FMN2: variants seen among roughly 807,000 people sequenced by gnomAD.
FMN2 encodes formin-2.
Under a neutral mutation model 142.3 loss-of-function variants are expected in FMN2, and 51 were observed. The ratio of observed to expected loss-of-function variants is 0.36; its 90% CI spans 0.29 to 0.45. The LOEUF is 0.45. Among genes scored for constraint, FMN2 ranks in the 20% least tolerant of loss-of-function variants. The pLI, the probability that FMN2 is intolerant of heterozygous loss-of-function variation, is 1.00. For missense variants in FMN2, 1,936 were observed against 2,122.8 expected (o/e 0.91, Z 1.73); for synonymous variants, 882 against 869.8 (o/e 1.01, Z -0.25).
intron 7 of FMN2, among the ~76,000 whole-genome samples, chr1:240,274,336 T>C (rs1669121017): frequency 6.6e-6 from 1 of 151,476 alleles, no homozygotes; most frequent in Non-Finnish European, 1.5e-5. Context: ...GAAGGAACCT[T>C]GTAAATATCT....
chr1:240,229,601 G>A lies in FMN2; in HGVS notation c.4065+18366G>A, dbSNP rs74149377. Among the ~76,000 whole-genome samples, 447 of 152,218 alleles carry A rather than the reference G, an allele frequency of 2.9e-3. 3 individuals carry two copies. Among genetic ancestry groups the A allele is most frequent in the African/African-American group, 0.01 (417 of 41,530 alleles). On this transcript the variant is annotated intron_variant, in intron 6 of 17. Transcript: ENST00000319653. Reference sequence around the variant, plus strand: ...GTGGAATTGTTTCATGTGATGATGCGCCAGGTTTAAAAGTGAATGAAATGT... The same window carrying A: ...GTGGAATTGTTTCATGTGATGATGCACCAGGTTTAAAAGTGAATGAAATGT...
At chr1:240,205,703 C>T (rs1302975975) in intron 4 of FMN2, among the ~76,000 whole-genome samples, 2 of 151,856 alleles carry the variant, frequency 1.3e-5, no homozygotes, top group Admixed American at 1.3e-4. Context: ...CCTCGTGATC[C>T]ACCCGCCTCG....
chr1:240,465,546 T>C (rs1177462765), intron 16 of FMN2, among the ~76,000 whole-genome samples: 1 of 152,146 alleles, frequency 6.6e-6, no homozygotes, highest in Non-Finnish European at 1.5e-5. Context: ...CCATCTCTGC[T>C]CTATCAGAAC....
intron 7 of FMN2, among the ~76,000 whole-genome samples, chr1:240,260,897 A>C (rs1239555099): frequency 6.6e-6 from 1 of 152,222 alleles, no homozygotes; most frequent in African/African-American, 2.4e-5. Flanking sequence ...TCTTAGGTTT[A>C]AGTCCTTGAC....
intron 2 of FMN2, among the ~76,000 whole-genome samples, chr1:240,136,435 C>T (rs1662941587): frequency 6.6e-6 from 1 of 152,172 alleles, no homozygotes; most frequent in Non-Finnish European, 1.5e-5. Flanking sequence ...TTAAAAAACA[C>T]ACTCGTGGCA....
At chr1:240,222,524 T>C (rs1215471872) in intron 6 of FMN2, among the ~76,000 whole-genome samples, 1 of 152,044 alleles carries the variant, frequency 6.6e-6, no homozygotes, top group Non-Finnish European at 1.5e-5. Flanking sequence ...TTAAATTCTG[T>C]GAAGGAAGTC....
chr1:240,139,678 G>A (rs1663097202), intron 2 of FMN2, among the ~76,000 whole-genome samples: 1 of 152,204 alleles, frequency 6.6e-6, no homozygotes, highest in South Asian at 2.1e-4. Context: ...CTAGTAGAGA[G>A]GAATTCCAGT....
intron 14 of FMN2, among the ~76,000 whole-genome samples, chr1:240,365,650 G>A (rs1365487207): frequency 6.6e-6 from 1 of 152,034 alleles, no homozygotes; most frequent in Non-Finnish European, 1.5e-5. Flanking sequence ...AGTGAATATG[G>A]AACTATTCTT....
intron 4 of FMN2, among the ~76,000 whole-genome samples, chr1:240,194,600 T>A (rs1241803534): frequency 1.3e-5 from 2 of 152,200 alleles, no homozygotes; most frequent in African/African-American, 4.8e-5. Flanking sequence ...CTGGCAGTTA[T>A]AAGTTAGGAG....
At chr1:240,179,154 G>A (rs1206998337) in intron 3 of FMN2, among the ~76,000 whole-genome samples, 1 of 152,180 alleles carries the variant, frequency 6.6e-6, no homozygotes, top group Non-Finnish European at 1.5e-5. Flanking sequence ...TGAAGCATTA[G>A]AATGTAGAAT....
intron 4 of FMN2, among the ~76,000 whole-genome samples, chr1:240,191,476 A>C (rs1665695472): frequency 6.6e-6 from 1 of 152,196 alleles, no homozygotes; most frequent in Admixed American, 6.5e-5. Flanking sequence ...CATTCTTGAG[A>C]CCTCACTTAC....
At chr1:240,374,543 T>C (rs1338990982) in intron 14 of FMN2, among the ~76,000 whole-genome samples, 1 of 152,180 alleles carries the variant, frequency 6.6e-6, no homozygotes, top group Non-Finnish European at 1.5e-5. Flanking sequence ...GGAGACAGAT[T>C]CTTTCTTTAA....
intron 1 of FMN2, among the ~76,000 whole-genome samples, chr1:240,094,400 A>C (rs916275762): frequency 1.3e-5 from 2 of 152,226 alleles, no homozygotes; most frequent in African/African-American, 4.8e-5. Context: ...TTCATGGTCC[A>C]GCCCAGAACA....
rs2103396616 is a variant in FMN2 at position 240,208,797 on chromosome 1, A to G, written c.3920+65A>G. 2.0e-6 allele frequency: 3 copies of G among 1,508,018 alleles called. No individual in the cohort carries two copies. The Middle Eastern group carries it at 5.4e-4, about 271-fold the overall frequency. The allele number at this position is 1,508,018 out of a possible 1,614,324, so 93.4% of individuals were successfully genotyped here. On this transcript the variant is annotated intron_variant, in intron 5 of 17. Transcript: ENST00000319653. ...AGTATTAGGGAAGTGTTTACCTTCA[A>G]ACTCGGGAAAATTACTGTTGAATGT...
At chr1:240,381,858 G>T (rs1357377168) in intron 14 of FMN2, among the ~76,000 whole-genome samples, 1 of 152,180 alleles carries the variant, frequency 6.6e-6, no homozygotes, top group African/African-American at 2.4e-5. Context: ...AGACTCCCAG[G>T]CAACATTATA....
At chr1:240,275,597 G>C (rs1467911959) in intron 7 of FMN2, among the ~76,000 whole-genome samples, 1 of 152,086 alleles carries the variant, frequency 6.6e-6, no homozygotes, top group African/African-American at 2.4e-5. Flanking sequence ...AATCTTTTGG[G>C]TATATACCCA....
intron 15 of FMN2, among the ~76,000 whole-genome samples, chr1:240,414,717 T>C (rs993035744): frequency 1.3e-5 from 2 of 152,190 alleles, no homozygotes; most frequent in African/African-American, 4.8e-5. Context: ...TATTTACAAG[T>C]ATATGTGTTT....
intron 1 of FMN2, among the ~76,000 whole-genome samples, chr1:240,113,473 G>C (rs999788536): frequency 6.8e-6 from 1 of 146,240 alleles, no homozygotes; most frequent in Admixed American, 7.2e-5. Flanking sequence ...CAGGAGAATC[G>C]CTTGAACCGG....
At chr1:240,406,004 C>G (rs573211764) in intron 15 of FMN2, among the ~76,000 whole-genome samples, 106 of 150,004 alleles carry the variant, frequency 7.1e-4, no homozygotes, top group African/African-American at 2.3e-3. Flanking sequence ...GGGAAGCAGC[C>G]TCAGGAGTGG....
Sources: gnomAD v4.1 joint callset for allele counts (sites outside exome capture counted in the v4.1 genomes callset) on GRCh38, gnomAD v4.1.1 for gene constraint, MANE v1.5 for transcripts, NCBI Gene and HGNC (gene_info 2026-07-23, HGNC 2026-07-21) for gene names.